GSR: variants seen among roughly 807,000 people sequenced by gnomAD.
GSR encodes glutathione-disulfide reductase, also known as glutathione reductase, mitochondrial.
GSR carries 48 observed loss-of-function variants against 56.5 expected under a neutral mutation model. The ratio of observed to expected loss-of-function variants is 0.85; its 90% CI spans 0.67 to 1.08. The LOEUF is 1.08. Among genes scored for constraint, GSR ranks in the 50% least tolerant of loss-of-function variants. The pLI, the probability that GSR is intolerant of heterozygous loss-of-function variation, is 0.00. For missense variants in GSR, 694 were observed against 703.3 expected, an observed-to-expected ratio of 0.99 and a Z score of 0.15; for synonymous variants, 264 against 270.8, an observed-to-expected ratio of 0.97 and a Z score of 0.25.
chr8:30,690,115 AATCT>A (rs1803328036), intron 8 of GSR, among the ~76,000 whole-genome samples: 1 of 143,894 alleles, frequency 6.9e-6, no homozygotes, highest in Non-Finnish European at 1.5e-5. Context: ...TACATATATA[AATCT>A]ATTTATATAA....
At chr8:30,713,642 A>G (rs1804231170) in intron 1 of GSR, among the ~76,000 whole-genome samples, 1 of 152,190 alleles carries the variant, frequency 6.6e-6, no homozygotes. Flanking sequence ...TACAGGCATG[A>G]GCCACCACGC....
intron 4 of GSR, among the ~76,000 whole-genome samples, chr8:30,703,663 C>T (rs1803823293): frequency 6.6e-6 from 1 of 151,426 alleles, no homozygotes; most frequent in Non-Finnish European, 1.5e-5. Flanking sequence ...AGGAGGATTG[C>T]TTGAATCTGG....
At chr8:30,685,663 T>C (rs897427428) in intron 9 of GSR, among the ~76,000 whole-genome samples, 33 of 152,154 alleles carry the variant, frequency 2.2e-4, no homozygotes, top group Non-Finnish European at 4.3e-4. Flanking sequence ...AAGTAGGAAG[T>C]AAGTAGCCAC....
chr8:30,716,759 A>G (rs1415689217), intron 1 of GSR, among the ~76,000 whole-genome samples: 1 of 152,054 alleles, frequency 6.6e-6, no homozygotes, highest in Non-Finnish European at 1.5e-5. Flanking sequence ...GTGAGCCGAG[A>G]TAGCACCACT....
At position 30,727,578 on chromosome 8, in the gene GSR, C is replaced by G. The variant is rs1300734821; in HGVS notation, c.258G>C (p.Leu86=). ...TCTCCACCACGGCGGCCCTGGCACC[C>G]AGCTCGGCCGCCCTGCGCGCGCTGG... The part of the protein sequence containing the change: ...GLASARRAAE[L]GARAAVVESH... Residue 86 remains leucine (L), a synonymous_variant, in exon 1 of 13, where the codon CTG becomes CTC. Coordinates refer to ENST00000221130, the MANE Select transcript of GSR (RefSeq NM_000637.5). 1 of 1,532,882 alleles carries G rather than the reference C, an allele frequency of 6.5e-7. No homozygotes were observed. Among genetic ancestry groups the G allele is most frequent in the African/African-American group, 1.4e-5 (1 of 71,914 alleles). 95.0% of individuals were successfully genotyped at this position (1,532,882 alleles called of 1,614,324 possible).
intron 3 of GSR, among the ~76,000 whole-genome samples, chr8:30,708,559 C>A (rs556469175): frequency 1.3e-5 from 2 of 152,316 alleles, no homozygotes; most frequent in African/African-American, 4.8e-5. Context: ...CCATACGATT[C>A]GGCAATTTCA....
intron 3 of GSR, among the ~76,000 whole-genome samples, chr8:30,708,468 T>G (rs1191710163): frequency 1.3e-5 from 2 of 152,208 alleles, no homozygotes; most frequent in Non-Finnish European, 2.9e-5. Context: ...GCTAAATAAA[T>G]AAATTTGCTA....
At chr8:30,718,509 C>T (rs1414654357) in intron 1 of GSR, among the ~76,000 whole-genome samples, 2 of 152,188 alleles carry the variant, frequency 1.3e-5, no homozygotes, top group African/African-American at 4.8e-5. Context: ...ATTTCTGCGT[C>T]TGCTGGCTCC....
In GSR at chr8:30,692,196, C is replaced by CTTTT. The variant is rs71206279; in HGVS notation, c.882+769_882+772dup. Among the ~76,000 whole-genome samples the CTTTT allele has an allele frequency of 6.7e-3, 514 of 76,480 alleles. 16 individuals are homozygous for CTTTT. Among genetic ancestry groups the CTTTT allele is most frequent in the East Asian group, 0.011 (21 of 2,000 alleles). The allele number at this position is 76,480 out of a possible 152,430, so 50.2% of individuals were successfully genotyped here. A position where few individuals can be genotyped will look rare whatever the true frequency, so the allele number is the denominator to read the frequency against. On this transcript the variant is annotated intron_variant, in intron 8 of 12. Transcript: ENST00000221130. ...CTTCAAGGCTGAATGTAAAATACAG[C>CTTTT]TTTTTTTTTTTTTTTTTTTTTTTTT...
chr8:30,688,370 G>C (rs760852607), intron 9 of GSR, among the ~76,000 whole-genome samples: 5 of 152,090 alleles, frequency 3.3e-5, no homozygotes, highest in African/African-American at 4.8e-5. Flanking sequence ...CTTGAGGCCA[G>C]GAGTTCAAGA....
At chr8:30,709,230 T>A (rs1804023213) in intron 3 of GSR, among the ~76,000 whole-genome samples, 1 of 151,928 alleles carries the variant, frequency 6.6e-6, no homozygotes, top group Non-Finnish European at 1.5e-5. Flanking sequence ...GCAGGCATGG[T>A]GGCACGTGCC....
intron 1 of GSR, among the ~76,000 whole-genome samples, chr8:30,721,673 A>AAAGGGT (rs1158221848): frequency 1.5e-4 from 23 of 151,678 alleles, no homozygotes; most frequent in Non-Finnish European, 2.8e-4. Context: ...AAAAAAAGCC[A>AAAGGGT]AAGGGTATCA....
At chr8:30,699,956 G>GAAGC in intron 6 of GSR, 125 bp downstream of exon 6, 1 of 781,500 alleles carries the variant, frequency 1.3e-6, no homozygotes, top group East Asian at 2.4e-5. Flanking sequence ...CATGAAAAGA[G>GAAGC]AAGCTGTAAG....
chr8:30,690,021 C>T (rs1168095078), intron 8 of GSR, among the ~76,000 whole-genome samples: 12 of 129,284 alleles, frequency 9.3e-5, no homozygotes, highest in Admixed American at 4.1e-4. Flanking sequence ...TTATATAATA[C>T]GTATATTTAT....
intron 8 of GSR, among the ~76,000 whole-genome samples, chr8:30,691,797 T>G (rs1168173140): frequency 1.3e-5 from 2 of 151,910 alleles, no homozygotes; most frequent in Non-Finnish European, 2.9e-5. Context: ...AGTTTTAAAA[T>G]CCAAATTTAA....
intron 1 of GSR, among the ~76,000 whole-genome samples, chr8:30,712,871 G>T (rs1292101391): frequency 6.6e-6 from 1 of 152,098 alleles, no homozygotes; most frequent in Non-Finnish European, 1.5e-5. Context: ...CTAGGCATTT[G>T]GCCTAAAGAA....
intron 2 of GSR, among the ~76,000 whole-genome samples, 156 bp from the exon 3 acceptor site, chr8:30,710,058 G>A (rs1248565567): frequency 1.3e-5 from 2 of 152,178 alleles, no homozygotes; most frequent in African/African-American, 2.4e-5. Context: ...GCTCACGTCT[G>A]TAATCCCAGC....
At position 30,689,814 on chromosome 8, in the gene GSR, T is replaced by C. The variant is rs915743489; in HGVS notation, c.883-495A>G. Among the ~76,000 whole-genome samples, 3 of 143,320 alleles carry C rather than the reference T, an allele frequency of 2.1e-5. No individual in the cohort carries two copies. In the Admixed American group the frequency reaches 2.2e-4, roughly 10 times the overall value. The allele number at this position is 143,320 out of a possible 152,430, so 94.0% of individuals were successfully genotyped here. A position where few individuals can be genotyped will look rare whatever the true frequency, so the allele number is the denominator to read the frequency against. Reference sequence around the variant, plus strand: ...ATATACGTATATTTATATATAAATATATTTATATATGTAAAATAAACATAT... The same window carrying C: ...ATATACGTATATTTATATATAAATACATTTATATATGTAAAATAAACATAT... On this transcript the variant is annotated intron_variant, in intron 8 of 12. Transcript: ENST00000221130.
Position 30,682,058 on chromosome 8 carries a change from G to C in GSR, c.1157C>G (p.Ala386Gly), listed in dbSNP as rs1254168191. The stretch of plus-strand genomic sequence containing the variant: ...GGCAAGTTTTCGGCCAGCAGCTATT[G>C]CAACTATGGAGATATTTTAAAATCA... ...VCGKALLTPV[A>G]IAAGRKLAHR... The change falls in exon 11 of 13, where the codon GCA becomes GGA. Residue 386 changes from alanine to glycine, a missense_variant. By Grantham distance (60) the Ala-to-Gly change is moderately conservative. Transcript: ENST00000221130. 2.5e-6 allele frequency: 4 copies of C among 1,612,020 alleles called. No homozygotes were observed. The South Asian group carries it at 4.4e-5, about 18-fold the overall frequency.
Sources: gnomAD v4.1 joint callset for allele counts (sites outside exome capture counted in the v4.1 genomes callset) on GRCh38, gnomAD v4.1.1 for gene constraint, MANE v1.5 for transcripts, NCBI Gene and HGNC (gene_info 2026-07-23, HGNC 2026-07-21) for gene names.